The following RIMS2 variants were observed in gnomAD, a reference collection of about 807,000 sequenced individuals.
The protein encoded by RIMS2 is regulating synaptic membrane exocytosis protein 2.
RIMS2 carries 59 observed loss-of-function variants against 174.4 expected under a neutral mutation model. The observed-to-expected ratio is 0.34, with a 90% CI of 0.27 to 0.42. The LOEUF (loss-of-function observed/expected upper bound fraction) is 0.42. Among genes scored for constraint, RIMS2 ranks in the 10% least tolerant of loss-of-function variants. The pLI is 1.00. For missense variants in RIMS2, 1,620 were observed against 1,666.3 expected (o/e 0.97, Z 0.48); for synonymous variants, 606 against 572.5 (o/e 1.06, Z -0.84).
chr8:103,899,313 G>T lies in RIMS2; in HGVS notation c.1625-10821G>T, dbSNP rs1024083653. 1.1e-4 allele frequency among the ~76,000 whole-genome samples: 16 copies of T among 151,698 alleles called. 1 individual carries two copies. The highest frequency in any genetic ancestry group is 3.9e-4 in the African/African-American group (16 of 41,008). ...AATCGCCACACTGTCTTCCACAATG[G>T]TTGAACTAGTTTACAGTCCTACCAA... On this transcript the variant is annotated intron_variant, in intron 4 of 23. Transcript: ENST00000504942.
At chr8:103,897,838 A>G (rs75346586) in intron 4 of RIMS2, among the ~76,000 whole-genome samples, 25,131 of 151,482 alleles carry the variant, frequency 0.17, 2,399 homozygotes, top group Middle Eastern at 0.27. Flanking sequence ...TTAATACCAT[A>G]TAGTTTGTTA....
intron 2 of RIMS2, among the ~76,000 whole-genome samples, chr8:103,726,745 A>ATT (rs1008398088): frequency 2.7e-5 from 4 of 147,470 alleles, no homozygotes; most frequent in Admixed American, 6.8e-5. Context: ...ATATATATAT[A>ATT]TTTTTGAGAC....
At chr8:104,213,888 A>AAGAAG (rs1554626688) in intron 19 of RIMS2, among the ~76,000 whole-genome samples, 3 of 148,108 alleles carry the variant, frequency 2.0e-5, no homozygotes, top group African/African-American at 7.7e-5. Context: ...AAAAAAAAAA[A>AAGAAG]AAGAAGAAGA....
intron 3 of RIMS2, among the ~76,000 whole-genome samples, chr8:103,811,569 C>A (rs961890706): frequency 6.6e-6 from 1 of 151,896 alleles, no homozygotes; most frequent in Non-Finnish European, 1.5e-5. Context: ...CTCAGCCTCC[C>A]GAGTAGCTGG....
At chr8:103,594,462 A>G (rs749596401) in intron 1 of RIMS2, among the ~76,000 whole-genome samples, 1 of 151,692 alleles carries the variant, frequency 6.6e-6, no homozygotes, top group Non-Finnish European at 1.5e-5. Context: ...AAACAGAAAC[A>G]CACACACAAA....
chr8:104,149,796 A>G (rs1451488924), intron 19 of RIMS2, among the ~76,000 whole-genome samples: 1 of 152,168 alleles, frequency 6.6e-6, no homozygotes, highest in Non-Finnish European at 1.5e-5. Flanking sequence ...GGACCCGGCT[A>G]ATCTTGATTT....
Position 104,096,883 on chromosome 8 carries a change from A to G in RIMS2, c.3334+82268A>G, listed in dbSNP as rs1022972727. On this transcript the variant is annotated intron_variant, in intron 19 of 23. Coordinates refer to ENST00000504942, the Ensembl canonical transcript of RIMS2. ...CTCCATCCGCCCCCCACCAAAAAAA[A>G]AAAAAGAAAAAGAAAAAGAAAATGT... Among the ~76,000 whole-genome samples the G allele has an allele frequency of 5.3e-5, 8 of 151,988 alleles. No individual in the cohort carries two copies. In the East Asian group the frequency reaches 5.8e-4, roughly 11 times the overall value.
intron 19 of RIMS2, among the ~76,000 whole-genome samples, chr8:104,220,921 C>A (rs1174525016): frequency 6.6e-6 from 1 of 152,128 alleles, no homozygotes; most frequent in African/African-American, 2.4e-5. Context: ...CAATTTATTT[C>A]TTTAAGATTC....
At chr8:103,821,361 T>C (rs184716213) in intron 3 of RIMS2, among the ~76,000 whole-genome samples, 2 of 151,828 alleles carry the variant, frequency 1.3e-5, no homozygotes, top group East Asian at 1.9e-4. Context: ...GTTTAACTTA[T>C]ATTGATTATT....
chr8:103,651,787 T>C (rs1346053459), intron 1 of RIMS2, among the ~76,000 whole-genome samples: 1 of 152,232 alleles, frequency 6.6e-6, no homozygotes, highest in East Asian at 1.9e-4. Context: ...AAAAATACAT[T>C]CGTAAAACTC....
chr8:103,582,641 T>C (rs1203206899), intron 1 of RIMS2, among the ~76,000 whole-genome samples: 1 of 152,156 alleles, frequency 6.6e-6, no homozygotes, highest in African/African-American at 2.4e-5. Flanking sequence ...ACATCTGTGT[T>C]AGTCTGGCAA....
chr8:103,936,770 A>AG, intron 13 of RIMS2, 48 bp downstream of exon 15: 3 of 1,350,956 alleles, frequency 2.2e-6, no homozygotes, highest in Non-Finnish European at 3.1e-6. Flanking sequence ...TATCCTGAAT[A>AG]CTTTTATTTA....
intron 19 of RIMS2, among the ~76,000 whole-genome samples, chr8:104,026,978 G>A (rs1200584470): frequency 2.0e-5 from 3 of 152,100 alleles, no homozygotes; most frequent in Non-Finnish European, 2.9e-5. Flanking sequence ...TTAGATAAAT[G>A]ACCATGTGTC....
chr8:103,851,241 G>A (rs550760137), intron 3 of RIMS2, among the ~76,000 whole-genome samples: 6 of 151,924 alleles, frequency 3.9e-5, no homozygotes, highest in Non-Finnish European at 8.8e-5. Context: ...TTAGAGTTAA[G>A]GAAGTTGGTT....
chr8:103,665,416 A>C (rs1475999480), intron 1 of RIMS2, among the ~76,000 whole-genome samples: 1 of 152,220 alleles, frequency 6.6e-6, no homozygotes, highest in Non-Finnish European at 1.5e-5. Flanking sequence ...AATGTGTGAA[A>C]GATAAAGGAT....
intron 1 of RIMS2, among the ~76,000 whole-genome samples, chr8:103,613,590 T>C (rs2134298274): frequency 6.6e-6 from 1 of 152,286 alleles, no homozygotes; most frequent in Admixed American, 6.5e-5. Flanking sequence ...CATAGTTTCC[T>C]TTAGGTCTCC....
chr8:103,700,381 G>A (rs1199140715), intron 2 of RIMS2, among the ~76,000 whole-genome samples: 3 of 151,686 alleles, frequency 2.0e-5, no homozygotes, highest in Non-Finnish European at 4.4e-5. Flanking sequence ...CATGTATATA[G>A]ACCAAGTACT....
At chr8:103,746,809 T>C (rs2097823817) in intron 2 of RIMS2, among the ~76,000 whole-genome samples, 1 of 152,106 alleles carries the variant, frequency 6.6e-6, no homozygotes, top group South Asian at 2.1e-4. Flanking sequence ...GCCTCCTGCG[T>C]AGCTAGGACT....
chr8:103,900,235 T>C lies in RIMS2; in HGVS notation c.1625-9899T>C, dbSNP rs188814162. 3.3e-5 allele frequency among the ~76,000 whole-genome samples: 5 copies of C among 151,758 alleles called. No individual in the cohort carries two copies. In the East Asian group the frequency reaches 9.7e-4, roughly 29 times the overall value. On this transcript the variant is annotated intron_variant, in intron 4 of 23. Coordinates refer to ENST00000504942, the Ensembl canonical transcript of RIMS2. ...GCAAATGCTGAGAGATTTTGTTTGT[T>C]CGTTTGAGATAGAGTCTCACTCTTG...
Sources: gnomAD v4.1 joint callset for allele counts (sites outside exome capture counted in the v4.1 genomes callset) on GRCh38, gnomAD v4.1.1 for gene constraint, MANE v1.5 for transcripts, NCBI Gene and HGNC (gene_info 2026-07-23, HGNC 2026-07-21) for gene names.